The following GNAT3 variants were observed in gnomAD, a reference collection of about 807,000 sequenced individuals.
GNAT3 encodes guanine nucleotide-binding protein G(t) subunit alpha-3.
Under a neutral mutation model 37.7 loss-of-function variants are expected in GNAT3, and 31 were observed. The observed-to-expected ratio is 0.82, with a 90% CI of 0.62 to 1.11. GNAT3 has a LOEUF of 1.11. Ranked by LOEUF, GNAT3 falls within the 50% of genes most tolerant of loss-of-function variation. GNAT3 has a pLI of 0.00. For synonymous variants in GNAT3, 138 were observed against 139.8 expected (o/e 0.99, Z 0.09); for missense variants, 437 against 412.5 (o/e 1.06, Z -0.51).
intron 1 of GNAT3, among the ~76,000 whole-genome samples, chr7:80,510,436 C>G (rs182987347): frequency 6.6e-6 from 1 of 152,082 alleles, no homozygotes; most frequent in South Asian, 2.1e-4. Flanking sequence ...TATCACCATT[C>G]TTATGTCATT....
At chr7:80,489,866 A>C (rs2116194595) in intron 2 of GNAT3, among the ~76,000 whole-genome samples, 1 of 152,282 alleles carries the variant, frequency 6.6e-6, no homozygotes, top group Middle Eastern at 3.4e-3. Context: ...TTAAAATGGC[A>C]ACTGTGAATA....
chr7:80,460,017 C>G (rs938681529), intron 7 of GNAT3, among the ~76,000 whole-genome samples: 1 of 152,196 alleles, frequency 6.6e-6, no homozygotes, highest in Admixed American at 6.5e-5. Context: ...TACACAGAAG[C>G]TTGCACATGG....
intron 3 of GNAT3, among the ~76,000 whole-genome samples, chr7:80,487,482 G>A (rs1436464096): frequency 1.3e-5 from 2 of 152,034 alleles, no homozygotes; most frequent in East Asian, 3.9e-4. Context: ...AGGAAAAAGG[G>A]GGATTTCCCC....
At chr7:80,473,711 C>T (rs1298517509) in intron 5 of GNAT3, among the ~76,000 whole-genome samples, 2 of 151,990 alleles carry the variant, frequency 1.3e-5, no homozygotes, top group African/African-American at 4.8e-5. Context: ...CTAGGAAGCT[C>T]TCGATAATAT....
chr7:80,506,945 A>G (rs1288874540), intron 1 of GNAT3, among the ~76,000 whole-genome samples: 1 of 152,110 alleles, frequency 6.6e-6, no homozygotes, highest in Non-Finnish European at 1.5e-5. Context: ...CCATTATGCT[A>G]TATAAAAATA....
At position 80,478,100 on chromosome 7, in the gene GNAT3, T is replaced by C. The variant is rs375449211; in HGVS notation, c.461+741A>G. On this transcript the variant is annotated intron_variant, in intron 4 of 7. Transcript: ENST00000398291. ...TAATTTTGTATTTTTTTGTAGCAAC[T>C]TGGCTTTGCCATGTAACCCAGGCTG... 3.3e-5 allele frequency among the ~76,000 whole-genome samples: 5 copies of C among 152,304 alleles called. No homozygotes were observed. In the South Asian group the frequency reaches 8.3e-4, roughly 25 times the overall value.
intron 3 of GNAT3, among the ~76,000 whole-genome samples, chr7:80,483,833 A>G (rs1411937418): frequency 2.6e-5 from 4 of 151,984 alleles, no homozygotes; most frequent in African/African-American, 9.7e-5. Context: ...ACATTTTTCA[A>G]ATAACACCCT....
chr7:80,502,887 T>C (rs1790862386), intron 1 of GNAT3, among the ~76,000 whole-genome samples: 2 of 152,264 alleles, frequency 1.3e-5, no homozygotes, highest in Admixed American at 6.5e-5. Context: ...TCTGTCACTT[T>C]GTCTCCTAAC....
At chr7:80,475,296 AAAT>A (rs1790284689) in intron 4 of GNAT3, among the ~76,000 whole-genome samples, 2 of 151,906 alleles carry the variant, frequency 1.3e-5, no homozygotes, top group African/African-American at 4.8e-5. Flanking sequence ...ACAGTCTGCT[AAAT>A]TAGAGGAAAA....
At chr7:80,478,766 T>C in intron 4 of GNAT3, 75 bp downstream of exon 4, 1 of 1,410,770 alleles carries the variant, frequency 7.1e-7, no homozygotes, top group Non-Finnish European at 9.8e-7. Flanking sequence ...AATTTACAAA[T>C]GCAAAGTATG....
At chr7:80,461,845 G>A (rs552724594) in intron 7 of GNAT3, among the ~76,000 whole-genome samples, 7 of 152,248 alleles carry the variant, frequency 4.6e-5, no homozygotes, top group South Asian at 4.1e-4. Context: ...TGCCAATTTC[G>A]AATAAGATTT....
At chr7:80,468,083 C>T (rs867803566) in intron 5 of GNAT3, among the ~76,000 whole-genome samples, 5 of 151,844 alleles carry the variant, frequency 3.3e-5, no homozygotes, top group East Asian at 3.9e-4. Flanking sequence ...AAGTGACAGT[C>T]GAACACTGAT....
chr7:80,466,303 C>A (rs192408055), intron 5 of GNAT3, among the ~76,000 whole-genome samples: 1 of 152,180 alleles, frequency 6.6e-6, no homozygotes, highest in Admixed American at 6.6e-5. Context: ...TTGTAGTCTC[C>A]TTTTCCCTGC....
At chr7:80,494,181 A>T (rs1584190337) in intron 2 of GNAT3, among the ~76,000 whole-genome samples, 2 of 152,224 alleles carry the variant, frequency 1.3e-5, no homozygotes, top group African/African-American at 4.8e-5. Context: ...ATGCAAAAAT[A>T]CATCACAATT....
chr7:80,488,514 TG>T lies in GNAT3; in HGVS notation c.303+20del, dbSNP rs1562728094. The stretch of plus-strand genomic sequence containing the variant: ...CAAACTCTATTGCAGGACATACAGC[TG>T]TCATTATTTGCATACTTACTGCACT... On this transcript the variant is annotated intron_variant, in intron 3 of 7. Transcript: ENST00000398291. 1.9e-6 allele frequency: 3 copies of T among 1,589,710 alleles called. No homozygotes were observed. In the South Asian group the frequency reaches 3.4e-5, roughly 18 times the overall value.
At chr7:80,471,685 T>C (rs1317208035) in intron 5 of GNAT3, among the ~76,000 whole-genome samples, 1 of 152,146 alleles carries the variant, frequency 6.6e-6, no homozygotes. Context: ...TTTCACCCAA[T>C]TTATCTAACA....
intron 4 of GNAT3, among the ~76,000 whole-genome samples, chr7:80,475,085 T>C (rs1790281778): frequency 6.6e-6 from 1 of 152,064 alleles, no homozygotes; most frequent in South Asian, 2.1e-4. Context: ...CTGGCTCTCC[T>C]GGGGACAGAA....
chr7:80,480,939 T>A (rs1790382770), intron 3 of GNAT3, among the ~76,000 whole-genome samples: 1 of 152,072 alleles, frequency 6.6e-6, no homozygotes, highest in Non-Finnish European at 1.5e-5. Context: ...TTTCCTCAGC[T>A]CCTATTTAAG....
intron 1 of GNAT3, among the ~76,000 whole-genome samples, chr7:80,503,414 C>T (rs747168638): frequency 1.3e-5 from 2 of 152,178 alleles, no homozygotes; most frequent in Non-Finnish European, 2.9e-5. Flanking sequence ...TGTAAATAAA[C>T]ATTTGATATT....
Sources: allele counts gnomAD v4.1 joint callset (sites outside exome capture counted in the v4.1 genomes callset), GRCh38; gene constraint gnomAD v4.1.1; transcripts MANE v1.5; gene names NCBI Gene and HGNC (gene_info 2026-07-23, HGNC 2026-07-21).